The following DGKB variants were observed in gnomAD, a reference collection of about 807,000 sequenced individuals.
DGKB encodes 90 kDa diacylglycerol kinase.
A neutral mutation model predicts 114.3 loss-of-function variants in DGKB; 67 were observed. That is an observed-to-expected ratio of 0.59 (90% CI 0.48 to 0.72). DGKB has a LOEUF of 0.72. Among genes scored for constraint, DGKB ranks in the 30% least tolerant of loss-of-function variants. DGKB has a pLI of 0.00. For synonymous variants in DGKB, 398 were observed against 323.1 expected, an observed-to-expected ratio of 1.23 and a Z score of -2.49; for missense variants, 907 against 975.2, an observed-to-expected ratio of 0.93 and a Z score of 0.93.
In DGKB at chr7:14,340,997, TA is replaced by T. The variant is rs953634162; in HGVS notation, c.1927-2288del. On this transcript the variant is annotated intron_variant, in intron 22 of 25. Transcript: ENST00000402815. ...GTTGCAAAGAGGCTTCTTTTTTTTT[TA>T]AAAAAAAGAATTGAACCAGCTGAGT... Among the ~76,000 whole-genome samples the T allele has an allele frequency of 4.9e-3, 746 of 150,730 alleles. 8 individuals are homozygous for T. Among genetic ancestry groups the T allele is most frequent in the African/African-American group, 0.017 (715 of 41,122 alleles).
intron 25 of DGKB, among the ~76,000 whole-genome samples, chr7:14,166,312 G>A (rs897569214): frequency 6.6e-6 from 1 of 152,018 alleles, no homozygotes; most frequent in African/African-American, 2.4e-5. Context: ...CTTAAATCTG[G>A]GGCACAAGAG....
At chr7:14,243,473 T>A (rs540037652) in intron 23 of DGKB, among the ~76,000 whole-genome samples, 1 of 152,340 alleles carries the variant, frequency 6.6e-6, no homozygotes, top group Non-Finnish European at 1.5e-5. Context: ...AATGAATAAC[T>A]AATTCAAATA....
chr7:14,806,072 T>G (rs1377689628), intron 2 of DGKB, among the ~76,000 whole-genome samples: 3 of 151,564 alleles, frequency 2.0e-5, no homozygotes, highest in African/African-American at 7.3e-5. Flanking sequence ...TGAGATCTTT[T>G]CTTTTATAAA....
intron 8 of DGKB, among the ~76,000 whole-genome samples, chr7:14,694,931 G>T (rs889511939): frequency 6.6e-6 from 1 of 152,122 alleles, no homozygotes; most frequent in African/African-American, 2.4e-5. Context: ...ACCCTTGGTT[G>T]CTGGGAAAGC....
rs1781448504 is a variant in DGKB, at chr7:14,146,118, C to A, written c.*3013G>T. 6.6e-6 allele frequency: 1 copy of A among 152,172 alleles called. No individual in the cohort carries two copies. Among genetic ancestry groups the A allele is most frequent in the South Asian group, 2.1e-4 (1 of 4,832 alleles). The allele number at this position is 152,172 out of a possible 1,614,324, so 9.4% of individuals were successfully genotyped here. A position where few individuals can be genotyped will look rare whatever the true frequency, so the allele number is the denominator to read the frequency against. ...AAAATGTTAATTTTTAAACTTCCTG[C>A]AAGATATCTCCTTCCACCACAATAA... On this transcript the variant is annotated 3_prime_UTR_variant, in exon 26 of 26. Coordinates refer to ENST00000402815, the MANE Select transcript of DGKB (RefSeq NM_001350709.2).
At chr7:14,771,267 A>T (rs1055924133) in intron 2 of DGKB, among the ~76,000 whole-genome samples, 1 of 152,140 alleles carries the variant, frequency 6.6e-6, no homozygotes, top group African/African-American at 2.4e-5. Context: ...AAGGTATACA[A>T]GCTCTGGGAA....
chr7:14,823,395 A>G (rs899022991), intron 2 of DGKB, among the ~76,000 whole-genome samples: 1 of 152,094 alleles, frequency 6.6e-6, no homozygotes, highest in African/African-American at 2.4e-5. Context: ...GCTCTGTTAG[A>G]AATTAGCCTT....
intron 5 of DGKB, among the ~76,000 whole-genome samples, chr7:14,725,014 A>T (rs1331592356): frequency 6.6e-6 from 1 of 152,108 alleles, no homozygotes; most frequent in Non-Finnish European, 1.5e-5. Flanking sequence ...TATAAAAAAA[A>T]ATTTTTAATT....
chr7:14,227,022 G>A (rs957075371), intron 23 of DGKB, among the ~76,000 whole-genome samples: 5 of 151,958 alleles, frequency 3.3e-5, no homozygotes, highest in African/African-American at 7.2e-5. Flanking sequence ...ACAGGTGCCC[G>A]CACCGCACCA....
At chr7:14,413,510 C>T (rs1309741757) in intron 21 of DGKB, among the ~76,000 whole-genome samples, 6 of 151,998 alleles carry the variant, frequency 3.9e-5, no homozygotes, top group Admixed American at 1.3e-4. Flanking sequence ...ATAAAAGTTA[C>T]GAGGTTACAT....
intron 1 of DGKB, among the ~76,000 whole-genome samples, chr7:14,893,136 T>C (rs1781551002): frequency 6.6e-6 from 1 of 151,282 alleles, no homozygotes; most frequent in African/African-American, 2.4e-5. Flanking sequence ...AGATTAACTC[T>C]TTGAATGAGT....
At chr7:14,632,526 T>G (rs989439249) in intron 13 of DGKB, among the ~76,000 whole-genome samples, 1 of 151,894 alleles carries the variant, frequency 6.6e-6, no homozygotes, top group Non-Finnish European at 1.5e-5. Flanking sequence ...TATTTTCTAA[T>G]AAAATTTGAG....
At chr7:14,667,376 C>A (rs1017601454) in intron 13 of DGKB, among the ~76,000 whole-genome samples, 1 of 151,880 alleles carries the variant, frequency 6.6e-6, no homozygotes, top group Non-Finnish European at 1.5e-5. Flanking sequence ...CATTCAATAA[C>A]CAATTCCTAA....
At chr7:14,808,910 C>T (rs567397836) in intron 2 of DGKB, among the ~76,000 whole-genome samples, 1 of 152,218 alleles carries the variant, frequency 6.6e-6, no homozygotes, top group Admixed American at 6.5e-5. Flanking sequence ...AGGTACAGCT[C>T]TAAATTCCTA....
rs1204148489 is a variant in DGKB, at chr7:14,572,351, C to A, written c.1770+1861G>T. Among the ~76,000 whole-genome samples the A allele has an allele frequency of 6.6e-5, 10 of 150,732 alleles. No homozygotes were observed. The South Asian group carries it at 1.9e-3, about 28-fold the overall frequency. On this transcript the variant is annotated intron_variant, in intron 20 of 25. Coordinates refer to ENST00000402815, the MANE Select transcript of DGKB (RefSeq NM_001350709.2). ...CCTGTAGTCCCAGCTACTCGGGAGG[C>A]TGAGGCAGGAGAATGTCGTGAACCC...
intron 1 of DGKB, among the ~76,000 whole-genome samples, chr7:14,927,983 G>A (rs1166954597): frequency 6.6e-6 from 1 of 151,824 alleles, no homozygotes; most frequent in Non-Finnish European, 1.5e-5. Flanking sequence ...AGGCAAGATA[G>A]TTACTACAAA....
intron 6 of DGKB, among the ~76,000 whole-genome samples, chr7:14,703,713 C>A (rs922937682): frequency 3.3e-5 from 5 of 152,114 alleles, no homozygotes; most frequent in Non-Finnish European, 5.9e-5. Context: ...CCATCCCAGC[C>A]CAATTTAATA....
chr7:14,768,057 G>A (rs548906276), intron 2 of DGKB, among the ~76,000 whole-genome samples: 6 of 151,942 alleles, frequency 3.9e-5, no homozygotes, highest in Admixed American at 1.3e-4. Flanking sequence ...GCAATGTGGA[G>A]AAACCAAAGT....
intron 23 of DGKB, among the ~76,000 whole-genome samples, chr7:14,198,720 C>A (rs889804459): frequency 9.2e-5 from 14 of 151,906 alleles, no homozygotes; most frequent in Admixed American, 5.9e-4. Context: ...TCACAATCAG[C>A]AAGAGTACTG....
Sources: allele counts gnomAD v4.1 joint callset (sites outside exome capture counted in the v4.1 genomes callset), GRCh38; gene constraint gnomAD v4.1.1; transcripts MANE v1.5; gene names NCBI Gene and HGNC (gene_info 2026-07-23, HGNC 2026-07-21).